The following DHX8 variants were observed in gnomAD, a reference collection of about 807,000 sequenced individuals.
DHX8 encodes DEAH-box helicase 8, also known as ATP-dependent RNA helicase DHX8.
Under a neutral mutation model 140.7 loss-of-function variants are expected in DHX8, and 67 were observed. The observed-to-expected ratio is 0.48, with a 90% CI of 0.39 to 0.58. The LOEUF (loss-of-function observed/expected upper bound fraction) is 0.58. DHX8 is among the 20% of genes least tolerant of loss of function. The pLI, the probability that DHX8 is intolerant of heterozygous loss-of-function variation, is 0.00. For missense variants in DHX8, 887 were observed against 1,550.7 expected (o/e 0.57, Z 7.19); for synonymous variants, 533 against 553.2 (o/e 0.96, Z 0.51).
At chr17:43,537,252 G>A (rs1971290865) in intron 3 of DHX8, among the ~76,000 whole-genome samples, 1 of 152,134 alleles carries the variant, frequency 6.6e-6, no homozygotes, top group South Asian at 2.1e-4. Flanking sequence ...TATAATCCCA[G>A]CTACTCAGGA....
downstream of DHX8, chr17:43,529,678 T>C (rs1282488878): frequency 6.2e-7 from 1 of 1,605,720 alleles, no homozygotes; most frequent in Non-Finnish European, 8.5e-7. Flanking sequence ...TGATGTCTCC[T>C]GGGGAACACG....
intron 3 of DHX8, among the ~76,000 whole-genome samples, chr17:43,543,276 A>ACTCTCTCTCTCTCTCTCTCTCTCTCTCT (rs60214474): frequency 7.2e-6 from 1 of 138,258 alleles, no homozygotes; most frequent in African/African-American, 2.7e-5. Context: ...ACACACACAC[A>ACTCTCTCTCTCTCTCTCTCTCTCTCTCT]CTCTCTCTCT....
At chr17:43,496,859 T>A (rs1231726047) in intron 9 of DHX8, among the ~76,000 whole-genome samples, 1 of 152,200 alleles carries the variant, frequency 6.6e-6, no homozygotes, top group African/African-American at 2.4e-5. Flanking sequence ...TAGTAATTAT[T>A]CTGAAAACCC....
intron 13 of DHX8, 23 bp downstream of exon 13, chr17:43,507,220 C>G: frequency 6.4e-7 from 1 of 1,573,904 alleles, no homozygotes. Context: ...TGGAGTCGCT[C>G]GAAAAATACC....
chr17:43,512,698 A>G (rs190951488), intron 16 of DHX8, among the ~76,000 whole-genome samples: 2 of 152,298 alleles, frequency 1.3e-5, no homozygotes, highest in East Asian at 3.9e-4. Context: ...ATGATGCGTG[A>G]TATTCCGGTG....
chr17:43,527,763 A>T (rs1380767698), downstream of DHX8: 1 of 211,882 alleles, frequency 4.7e-6, no homozygotes, highest in African/African-American at 2.3e-5. Flanking sequence ...GCCCCAAACC[A>T]GTCAGCTCTG....
At chr17:43,494,503 C>T (rs570111054) in intron 8 of DHX8, among the ~76,000 whole-genome samples, 52 of 152,040 alleles carry the variant, frequency 3.4e-4, no homozygotes, top group African/African-American at 1.2e-3. Flanking sequence ...GGGCGGGTCA[C>T]GAGCTCAGGA....
intron 11 of DHX8, among the ~76,000 whole-genome samples, chr17:43,501,096 C>T (rs749776032): frequency 7.2e-5 from 11 of 152,020 alleles, no homozygotes; most frequent in Non-Finnish European, 2.9e-5. Flanking sequence ...TGCGCTACAA[C>T]TTAGTCGGGG....
At chr17:43,505,095 A>G (rs1598149674) in intron 12 of DHX8, among the ~76,000 whole-genome samples, 2 of 152,104 alleles carry the variant, frequency 1.3e-5, no homozygotes, top group Admixed American at 1.3e-4. Context: ...GAGGCAACAT[A>G]GGGAATCTTG....
chr17:43,485,146 T>C (rs1336324310), intron 1 of DHX8, among the ~76,000 whole-genome samples: 1 of 152,176 alleles, frequency 6.6e-6, no homozygotes, highest in African/African-American at 2.4e-5. Flanking sequence ...TCTTCAGTTG[T>C]AACAGGAGCG....
chr17:43,516,124 T>C (rs1047681224), intron 17 of DHX8, among the ~76,000 whole-genome samples: 1 of 152,218 alleles, frequency 6.6e-6, no homozygotes, highest in African/African-American at 2.4e-5. Context: ...TTTATTTCTT[T>C]CATGGTTGCA....
At chr17:43,486,493 T>G (rs1169915458) in intron 1 of DHX8, among the ~76,000 whole-genome samples, 4 of 152,204 alleles carry the variant, frequency 2.6e-5, no homozygotes. Flanking sequence ...TTTTACTGTT[T>G]TCACCAATGA....
intron 13 of DHX8, 112 bp downstream of exon 13, chr17:43,507,309 G>A (rs923500098): frequency 4.3e-5 from 54 of 1,270,376 alleles, no homozygotes; most frequent in Non-Finnish European, 5.6e-5. Flanking sequence ...TCTCCTGAGG[G>A]AGAGAGGGTT....
Position 43,521,381 on chromosome 17 carries a change from C to G in DHX8, c.3079C>G (p.Leu1027Val). The G allele has an allele frequency of 3.7e-6, 6 of 1,612,384 alleles. No individual in the cohort carries two copies. The highest frequency in any genetic ancestry group is 1.3e-5 in the African/African-American group (1 of 74,978). The change falls in exon 21 of 23, where the codon CTT (leucine) becomes GTT (valine). Residue 1027 changes from leucine to valine, a missense_variant. Physicochemically the swap from Leu to Val is conservative, Grantham distance 32. Coordinates refer to ENST00000262415, the MANE Select transcript of DHX8 (RefSeq NM_004941.3). Reference protein sequence around the residue: ...VFYRPKDKQALADQKKAKFHQ... With the variant: ...VFYRPKDKQAVADQKKAKFHQ... ...CACTGCTTGGCAGGATAAACAAGCCCTTGCAGATCAGAAGAAGGCCAAATT... is the reference window on the plus strand; with the variant it reads ...CACTGCTTGGCAGGATAAACAAGCCGTTGCAGATCAGAAGAAGGCCAAATT...
At chr17:43,531,249 C>T (rs1241997901), downstream of DHX8, among the ~76,000 whole-genome samples, 2 of 152,212 alleles carry the variant, frequency 1.3e-5, no homozygotes, top group Non-Finnish European at 2.9e-5. Context: ...TCTAGGGCTA[C>T]TAATGTAACA....
intron 3 of DHX8, among the ~76,000 whole-genome samples, chr17:43,540,345 C>CTTT (rs933843449): frequency 3.9e-5 from 6 of 152,140 alleles, no homozygotes; most frequent in African/African-American, 1.4e-4. Context: ...CCCAGCTACT[C>CTTT]TGGAGGCTGA....
At chr17:43,522,301 AT>A in intron 22 of DHX8, 75 bp downstream of exon 22, 1 of 1,466,354 alleles carries the variant, frequency 6.8e-7, no homozygotes, top group Non-Finnish European at 9.2e-7. Context: ...GTATTTTGTG[AT>A]TGTGTCTTCA....
chr17:43,535,257 C>T (rs1971175417), intron 2 of DHX8, among the ~76,000 whole-genome samples: 1 of 151,864 alleles, frequency 6.6e-6, no homozygotes, highest in Admixed American at 6.6e-5. Flanking sequence ...AAGTATCTGA[C>T]ATTAAAGCAG....
At chr17:43,526,501 A>G, downstream of DHX8, 1 of 1,535,622 alleles carries the variant, frequency 6.5e-7, no homozygotes, top group Non-Finnish European at 8.7e-7. Flanking sequence ...TGCAGCCCAA[A>G]GCACTTCCTC....
Sources: allele counts gnomAD v4.1 joint callset (sites outside exome capture counted in the v4.1 genomes callset), GRCh38; gene constraint gnomAD v4.1.1; transcripts MANE v1.5; gene names NCBI Gene and HGNC (gene_info 2026-07-23, HGNC 2026-07-21).